Variants in SELP observed in about 807,000 individuals in gnomAD.
The protein encoded by SELP is selectin P, also known as P-selectin.
A neutral mutation model predicts 104.1 loss-of-function variants in SELP; 92 were observed. That is an observed-to-expected ratio of 0.88 (90% confidence interval 0.75 to 1.05). The LOEUF (loss-of-function observed/expected upper bound fraction) is 1.05, where lower values mean the gene tolerates loss of function less well. Ranked by LOEUF, SELP falls within the 50% of genes least tolerant of loss-of-function variation. SELP has a pLI of 0.00. For missense variants in SELP, 1,022 were observed against 1,017.3 expected (o/e 1.00, Z -0.06); for synonymous variants, 397 against 364.5 (o/e 1.09, Z -1.01).
At position 169,595,296 on chromosome 1, in the gene SELP, A is replaced by G. The variant is rs141701419; in HGVS notation, c.2102-419T>C. Among the ~76,000 whole-genome samples, 21 of 152,366 alleles carry G rather than the reference A, an allele frequency of 1.4e-4. No homozygotes were observed. The East Asian group carries it at 1.9e-3, about 14-fold the overall frequency. On this transcript the variant is annotated intron_variant, in intron 12 of 16. Transcript: ENST00000263686. ...CATATCTGGACACTGGAAGTTTGAA[A>G]GAAGTAGACTGTCATCCTCCTTAAA...
chr1:169,590,080 G>A (rs1661273273), intron 16 of SELP, 67 bp downstream of exon 16: 3 of 1,093,602 alleles, frequency 2.7e-6, no homozygotes, highest in Admixed American at 1.9e-5. Flanking sequence ...GAAAAGTTAA[G>A]CTTTATAGTC....
chr1:169,605,184 C>T (rs1662120725), intron 9 of SELP, among the ~76,000 whole-genome samples: 1 of 152,140 alleles, frequency 6.6e-6, no homozygotes, highest in South Asian at 2.1e-4. Flanking sequence ...TGATCACTGT[C>T]CTCAGGGATT....
intron 2 of SELP, among the ~76,000 whole-genome samples, chr1:169,618,164 G>A (rs1029052163): frequency 1.3e-5 from 2 of 152,164 alleles, no homozygotes; most frequent in African/African-American, 4.8e-5. Context: ...CCTTAGCACT[G>A]AGCCTAGAGT....
intron 10 of SELP, among the ~76,000 whole-genome samples, chr1:169,602,279 G>A (rs1182726423): frequency 1.3e-5 from 2 of 152,192 alleles, no homozygotes; most frequent in Non-Finnish European, 2.9e-5. Flanking sequence ...AGTGGAGAGA[G>A]GAGGGAAGTG....
intron 9 of SELP, among the ~76,000 whole-genome samples, chr1:169,605,473 T>C (rs554084331): frequency 6.8e-6 from 1 of 146,456 alleles, no homozygotes; most frequent in Non-Finnish European, 1.5e-5. Context: ...AGCTTAACAA[T>C]GGGGTGTGTG....
intron 2 of SELP, among the ~76,000 whole-genome samples, chr1:169,618,532 G>A (rs777232806): frequency 3.9e-5 from 6 of 152,186 alleles, no homozygotes; most frequent in Non-Finnish European, 7.3e-5. Flanking sequence ...AAGCAATCAG[G>A]CCTGGAAATG....
At chr1:169,593,198 G>A (rs1661429811) in intron 14 of SELP, among the ~76,000 whole-genome samples, 1 of 152,166 alleles carries the variant, frequency 6.6e-6, no homozygotes, top group Admixed American at 6.5e-5. Context: ...CAGAGTTGAT[G>A]AATAAATGAC....
In SELP at chr1:169,626,246, G is replaced by A. The variant is rs541948725; in HGVS notation, c.3+3826C>T. 2.0e-5 allele frequency among the ~76,000 whole-genome samples: 3 copies of A among 152,304 alleles called. No individual in the cohort carries two copies. In the East Asian group the frequency reaches 5.8e-4, roughly 29 times the overall value. ...AGTGACAGATCACATCGGGCTTTGGGATCCAAAACAAGGGGATGAGATTTT... is the reference window on the plus strand; with the variant it reads ...AGTGACAGATCACATCGGGCTTTGGAATCCAAAACAAGGGGATGAGATTTT... On this transcript the variant is annotated intron_variant, in intron 1 of 16. Transcript: ENST00000263686.
chr1:169,617,408 G>C lies in SELP; in HGVS notation c.101C>G (p.Thr34Arg). ...CCATGCTGCCACTTCTTTCTGGTTT[G>C]TTAGTTCTAGAGTAAAGGAGAGTGA... ...LCFSALISEL[T>R]NQKEVAAWTY... Residue 34 changes from threonine to arginine, a missense_variant, in exon 3 of 17, where the codon ACA becomes AGA. Coordinates refer to ENST00000263686, the MANE Select transcript of SELP (RefSeq NM_003005.4). 1 of 1,613,702 alleles carries C rather than the reference G, an allele frequency of 6.2e-7. No individual in the cohort carries two copies.
Position 169,628,918 on chromosome 1 carries a change from A to G in SELP, c.3+1154T>C, listed in dbSNP as rs1663503698. ...TCATACTCTTATTCCTGTTTTCCCCAACACAGAAACCCACATTATAAGTAC... is the reference window on the plus strand; with the variant it reads ...TCATACTCTTATTCCTGTTTTCCCCGACACAGAAACCCACATTATAAGTAC... On this transcript the variant is annotated intron_variant, in intron 1 of 16. Coordinates refer to ENST00000263686, the MANE Select transcript of SELP (RefSeq NM_003005.4). Among the ~76,000 whole-genome samples the G allele has an allele frequency of 2.6e-5, 4 of 152,324 alleles. No homozygotes were observed. In the South Asian group the frequency reaches 8.3e-4, roughly 32 times the overall value.
chr1:169,614,083 C>T (rs973743778), intron 3 of SELP, among the ~76,000 whole-genome samples: 4 of 152,198 alleles, frequency 2.6e-5, no homozygotes, highest in Admixed American at 6.5e-5. Context: ...TGAGGTTAGG[C>T]ACCAGATGTG....
At chr1:169,621,782 C>T (rs1031075853) in intron 1 of SELP, among the ~76,000 whole-genome samples, 1 of 152,146 alleles carries the variant, frequency 6.6e-6, no homozygotes, top group African/African-American at 2.4e-5. Flanking sequence ...AGTATCATAA[C>T]GTTATGATTT....
Position 169,609,693 on chromosome 1 carries a change from A to G in SELP, c.1148-4T>C, listed in dbSNP as rs1662404450. On this transcript the variant is annotated splice_region_variant and splice_polypyrimidine_tract_variant and intron_variant, in intron 7 of 16. Transcript: ENST00000263686. Reference sequence around the variant, plus strand: ...TCCAGCGGCTCACACGAAATAGCTAAGTGGAAAAGGTATCTTCTAAAGCCA... The same window carrying G: ...TCCAGCGGCTCACACGAAATAGCTAGGTGGAAAAGGTATCTTCTAAAGCCA... 4 of 1,606,432 alleles carry G rather than the reference A, an allele frequency of 2.5e-6. No homozygotes were observed. The highest frequency in any genetic ancestry group is 3.4e-6 in the Non-Finnish European group (4 of 1,176,274).
At chr1:169,605,826 A>G (rs1196754732) in intron 9 of SELP, among the ~76,000 whole-genome samples, 1 of 152,194 alleles carries the variant, frequency 6.6e-6, no homozygotes, top group Non-Finnish European at 1.5e-5. Context: ...GCAGATTTTT[A>G]TAAATGAAAA....
At chr1:169,622,310 A>C (rs3917682) in intron 1 of SELP, among the ~76,000 whole-genome samples, 44,570 of 152,164 alleles carry the variant, frequency 0.29, 7,768 homozygotes, top group Middle Eastern at 0.47. Flanking sequence ...AGTCTGACTA[A>C]ATTTTGATAG....
Position 169,617,123 on chromosome 1 carries a change from T to G in SELP, c.386A>C (p.Glu129Ala). The change falls in exon 3 of 17, where the codon GAG becomes GCG. Residue 129 changes from glutamate to alanine, a missense_variant. Glu to Ala is a moderately radical substitution (Grantham distance 107). Transcript: ENST00000263686. ...DNEPNNKRNN[E>A]DCVEIYIKSP... ...CTTGATGTATATCTCCACGCAGTCC[T>G]CGTTGTTCCTTTTGTTGTTAGGTTC... 6.2e-7 allele frequency: 1 copy of G among 1,614,122 alleles called. No individual in the cohort carries two copies. Among genetic ancestry groups the G allele is most frequent in the Non-Finnish European group, 8.5e-7 (1 of 1,180,002 alleles).
At chr1:169,593,268 G>C (rs1406499475) in intron 14 of SELP, among the ~76,000 whole-genome samples, 1 of 152,154 alleles carries the variant, frequency 6.6e-6, no homozygotes, top group Non-Finnish European at 1.5e-5. Context: ...TAGCTTTAGT[G>C]ATAGCCTAGG....
At chr1:169,606,210 G>A (rs1283502335) in intron 9 of SELP, among the ~76,000 whole-genome samples, 1 of 152,200 alleles carries the variant, frequency 6.6e-6, no homozygotes, top group African/African-American at 2.4e-5. Context: ...CCAGCTACTC[G>A]GGAAGCTGAG....
At position 169,609,574 on chromosome 1, in the gene SELP, C is replaced by A. The variant is rs1262050355; in HGVS notation, c.1263G>T (p.Met421Ile). ...NCSFRCAEGFMLRGADIVRCD... is the reference protein window; with the variant it reads ...NCSFRCAEGFILRGADIVRCD... ...ACCGAACTATATCGGCTCCTCTCAGCATGAAACCTTCAGCACAGCGGAAGC... is the reference window on the plus strand; with the variant it reads ...ACCGAACTATATCGGCTCCTCTCAGAATGAAACCTTCAGCACAGCGGAAGC... Residue 421 changes from methionine (M) to isoleucine (I), a missense_variant, in exon 8 of 17, where the codon ATG (methionine) becomes ATT (isoleucine). Physicochemically the swap from Met to Ile is conservative, Grantham distance 10. Transcript: ENST00000263686. 3.7e-6 allele frequency: 6 copies of A among 1,614,110 alleles called. No homozygotes were observed. The highest frequency in any genetic ancestry group is 1.3e-5 in the African/African-American group (1 of 75,014).
Sources: gnomAD v4.1 joint callset for allele counts (sites outside exome capture counted in the v4.1 genomes callset) on GRCh38, gnomAD v4.1.1 for gene constraint, MANE v1.5 for transcripts, NCBI Gene and HGNC (gene_info 2026-07-23, HGNC 2026-07-21) for gene names.